Variants in DPP10 observed in about 807,000 individuals in gnomAD.
The protein encoded by DPP10 is dipeptidyl peptidase like 10, also known as inactive dipeptidyl peptidase 10.
In DPP10, 33 loss-of-function variants were observed where a neutral mutation model predicts 120.9. That is an observed-to-expected ratio of 0.27 (90% CI 0.21 to 0.37). The LOEUF is 0.37. DPP10 is among the 10% of genes least tolerant of loss of function. The pLI is 1.00. For synonymous variants in DPP10, 337 were observed against 326.1 expected (o/e 1.03, Z -0.36); for missense variants, 816 against 942.8 (o/e 0.87, Z 1.76).
chr2:115,381,516 G>A (rs898141072), intron 3 of DPP10, among the ~76,000 whole-genome samples: 1 of 152,140 alleles, frequency 6.6e-6, no homozygotes, highest in Non-Finnish European at 1.5e-5. Context: ...CCATAGCTCG[G>A]AGAAATTTGA....
intron 5 of DPP10, among the ~76,000 whole-genome samples, chr2:115,528,960 G>C (rs2078297096): frequency 6.6e-6 from 1 of 151,854 alleles, no homozygotes; most frequent in African/African-American, 2.4e-5. Context: ...CAATGTCCTT[G>C]TTGTTTTCTT....
intron 3 of DPP10, among the ~76,000 whole-genome samples, chr2:115,345,647 C>T (rs2063676479): frequency 6.6e-6 from 1 of 152,016 alleles, no homozygotes; most frequent in Non-Finnish European, 1.5e-5. Flanking sequence ...GGTCTCATCT[C>T]CCTTCTCAGG....
rs1705719415 is a variant in DPP10 at position 115,054,196 on chromosome 2, A to T, written c.61-255043A>T. Among the ~76,000 whole-genome samples, 2 of 152,120 alleles carry T rather than the reference A, an allele frequency of 1.3e-5. 1 individual carries two copies. Among genetic ancestry groups the T allele is most frequent in the South Asian group, 4.1e-4 (2 of 4,826 alleles). On this transcript the variant is annotated intron_variant, in intron 1 of 25. Transcript: ENST00000410059. ...TGGAAGCTTTACTTTATGTAATATG[A>T]TTATTATTATCATCTTTGATTTCAG... is the stretch of plus-strand genomic sequence containing the variant.
intron 1 of DPP10, among the ~76,000 whole-genome samples, chr2:115,158,001 T>G (rs772420290): frequency 2.0e-5 from 3 of 152,212 alleles, no homozygotes; most frequent in Non-Finnish European, 4.4e-5. Context: ...TTGTCTAATT[T>G]ATCTGAAACT....
intron 13 of DPP10, among the ~76,000 whole-genome samples, chr2:115,775,859 G>A (rs1392742532): frequency 6.6e-6 from 1 of 152,030 alleles, no homozygotes; most frequent in Non-Finnish European, 1.5e-5. Context: ...TCAAAAATAT[G>A]TAAGATAATT....
intron 1 of DPP10, among the ~76,000 whole-genome samples, chr2:114,796,135 C>G (rs1008285814): frequency 1.3e-5 from 2 of 152,242 alleles, no homozygotes; most frequent in African/African-American, 2.4e-5. Context: ...CGATCTCTCA[C>G]GATTCTCACT....
intron 3 of DPP10, among the ~76,000 whole-genome samples, chr2:115,488,851 G>A (rs2075917754): frequency 9.2e-6 from 1 of 108,908 alleles, no homozygotes; most frequent in South Asian, 3.9e-4. Context: ...TGCACAATGT[G>A]CACATGTACC....
chr2:115,340,509 T>C (rs71418556), intron 2 of DPP10, among the ~76,000 whole-genome samples: 8,440 of 152,008 alleles, frequency 0.056, 247 homozygotes, highest in South Asian at 0.084. Context: ...TATAGTGTTA[T>C]TTTAATAAAA....
At chr2:115,405,166 TA>T (rs1259469068) in intron 3 of DPP10, among the ~76,000 whole-genome samples, 3 of 152,108 alleles carry the variant, frequency 2.0e-5, no homozygotes, top group Non-Finnish European at 4.4e-5. Context: ...AAATAAAAAA[TA>T]AATGTATTTT....
At position 115,426,864 on chromosome 2, in the gene DPP10, A is replaced by C. The variant is rs572364265; in HGVS notation, c.272-72646A>C. Among the ~76,000 whole-genome samples, 4 of 152,320 alleles carry C rather than the reference A, an allele frequency of 2.6e-5. No individual in the cohort carries two copies. In the South Asian group the frequency reaches 8.3e-4, roughly 32 times the overall value. ...CTCAAGAGTTAATTCAAAAGTCCAA[A>C]GTTTAAAATCTCATCTGAGACAAGG... On this transcript the variant is annotated intron_variant, in intron 3 of 25. Transcript: ENST00000410059.
intron 7 of DPP10, among the ~76,000 whole-genome samples, chr2:115,718,867 A>G: frequency 6.6e-6 from 1 of 152,176 alleles, no homozygotes; most frequent in East Asian, 1.9e-4. Flanking sequence ...AAAGTTGGGT[A>G]GAGAAGAAAA....
At chr2:115,443,752 G>C (rs1490102435) in intron 3 of DPP10, among the ~76,000 whole-genome samples, 2 of 152,134 alleles carry the variant, frequency 1.3e-5, no homozygotes, top group Non-Finnish European at 2.9e-5. Flanking sequence ...TCAGCAATCT[G>C]TGATTTAATG....
intron 1 of DPP10, among the ~76,000 whole-genome samples, chr2:114,650,762 CTCA>C (rs1696523002): frequency 6.6e-6 from 1 of 152,160 alleles, no homozygotes; most frequent in Non-Finnish European, 1.5e-5. Context: ...AAATCACCTT[CTCA>C]TCATCCTAGC....
chr2:114,602,932 C>A (rs113258623), intron 1 of DPP10, among the ~76,000 whole-genome samples: 27 of 151,890 alleles, frequency 1.8e-4, no homozygotes, highest in African/African-American at 6.5e-4. Flanking sequence ...TGATTCAGGT[C>A]GAACTTTCAA....
At chr2:114,654,199 A>G (rs1453527987) in intron 1 of DPP10, among the ~76,000 whole-genome samples, 2 of 152,192 alleles carry the variant, frequency 1.3e-5, no homozygotes, top group East Asian at 3.8e-4. Context: ...TCGAAATGGT[A>G]TTCTCTGTTT....
intron 1 of DPP10, among the ~76,000 whole-genome samples, chr2:114,600,581 A>C (rs1055461613): frequency 6.6e-5 from 10 of 151,848 alleles, no homozygotes; most frequent in Non-Finnish European, 1.2e-4. Context: ...GTACTTTATT[A>C]TCATTGGAAC....
At chr2:115,602,345 T>A (rs911792335) in intron 5 of DPP10, among the ~76,000 whole-genome samples, 4 of 152,198 alleles carry the variant, frequency 2.6e-5, no homozygotes, top group African/African-American at 9.6e-5. Flanking sequence ...TCGAACACAT[T>A]TCCAAAGTAA....
chr2:114,481,854 C>T (rs1394329600), intron 1 of DPP10, among the ~76,000 whole-genome samples: 1 of 149,714 alleles, frequency 6.7e-6, no homozygotes, highest in Non-Finnish European at 1.5e-5. Flanking sequence ...GGGAAGCAAG[C>T]ATGTTCTTCA....
chr2:115,193,457 C>A (rs932724628), intron 1 of DPP10, among the ~76,000 whole-genome samples: 8 of 152,082 alleles, frequency 5.3e-5, no homozygotes, highest in Non-Finnish European at 8.8e-5. Flanking sequence ...TTGTTGAAAA[C>A]CTGTAAGTTT....
Sources: gnomAD v4.1 joint callset for allele counts (sites outside exome capture counted in the v4.1 genomes callset) on GRCh38, gnomAD v4.1.1 for gene constraint, MANE v1.5 for transcripts, NCBI Gene and HGNC (gene_info 2026-07-23, HGNC 2026-07-21) for gene names.